Variants in NRSN1 observed in about 807,000 individuals in gnomAD.
NRSN1 encodes neurensin 1.
In NRSN1, 14 loss-of-function variants were observed where a neutral mutation model predicts 17.3. The observed-to-expected ratio is 0.81, with a 90% CI of 0.54 to 1.27. The LOEUF is 1.27. Among genes scored for constraint, NRSN1 ranks in the 50% most tolerant of loss-of-function variants. The pLI, the probability that NRSN1 is intolerant of heterozygous loss-of-function variation, is 0.00. For synonymous variants in NRSN1, 79 were observed against 94.2 expected (o/e 0.84, Z 0.93); for missense variants, 209 against 235.9 (o/e 0.89, Z 0.75).
intron 3 of NRSN1, among the ~76,000 whole-genome samples, chr6:24,137,282 T>G (rs947383306): frequency 2.0e-5 from 3 of 152,228 alleles, no homozygotes; most frequent in African/African-American, 7.2e-5. Context: ...CTTTATTGCA[T>G]GCATCTGCAT....
At chr6:24,135,558 C>A (rs1760106043) in intron 3 of NRSN1, among the ~76,000 whole-genome samples, 1 of 152,170 alleles carries the variant, frequency 6.6e-6, no homozygotes, top group African/African-American at 2.4e-5. Context: ...ACATGGGAAG[C>A]TACTGGAAGA....
intron 3 of NRSN1, among the ~76,000 whole-genome samples, chr6:24,143,913 CAA>C (rs1482597955): frequency 6.6e-6 from 1 of 152,176 alleles, no homozygotes; most frequent in East Asian, 1.9e-4. Flanking sequence ...AAATTAATGA[CAA>C]GAGCTTTTAA....
chr6:24,127,389 C>T (rs144713498), intron 1 of NRSN1, among the ~76,000 whole-genome samples: 3 of 152,294 alleles, frequency 2.0e-5, no homozygotes, highest in African/African-American at 4.8e-5. Flanking sequence ...TCTTCAGGTT[C>T]TCCTGCAAAC....
In NRSN1 at chr6:24,145,834, C is replaced by G. The variant is rs1346053281; in HGVS notation, c.476C>G (p.Ala159Gly). The change falls in exon 4 of 4, where the codon GCA (alanine) becomes GGA (glycine). Residue 159 changes from alanine (A) to glycine (G), a missense_variant. By Grantham distance (60) the Ala-to-Gly change is moderately conservative. Transcript: ENST00000378491. The surrounding 1 kb of genome is among the most constrained non-coding windows in gnomAD (Gnocchi z 4.4). ...CAGCAGAAGTTTAAAGAACGAATCG[C>G]AGACATCAAAGCCCACACCCAGCCG... is the stretch of plus-strand genomic sequence containing the variant. ...FLQQKFKERI[A>G]DIKAHTQPVT... 6.2e-7 allele frequency: 1 copy of G among 1,614,066 alleles called. No individual in the cohort carries two copies. Among genetic ancestry groups the G allele is most frequent in the Admixed American group, 1.7e-5 (1 of 60,008 alleles).
chr6:24,143,174 C>A (rs1338084220), intron 3 of NRSN1, among the ~76,000 whole-genome samples: 1 of 152,060 alleles, frequency 6.6e-6, no homozygotes, highest in East Asian at 1.9e-4. Context: ...TCTCCAAGTC[C>A]CCACCCGACC....
rs897982451 is a variant in NRSN1, at chr6:24,146,583, G to C, written c.*637G>C. On this transcript the variant is annotated 3_prime_UTR_variant, in exon 4 of 4. Coordinates refer to ENST00000378491, the MANE Select transcript of NRSN1 (RefSeq NM_080723.5). ...TGGAGTACAGCGGTGAAATCATAGC[G>C]CACTGCAGCCTTGAACTCCTGGGCT... 2 of 256,148 alleles carry C rather than the reference G, an allele frequency of 7.8e-6. No homozygotes were observed. The highest frequency in any genetic ancestry group is 4.6e-5 in the African/African-American group (2 of 43,386). 15.9% of individuals were successfully genotyped at this position (256,148 alleles called of 1,614,324 possible).
intron 3 of NRSN1, among the ~76,000 whole-genome samples, chr6:24,139,722 G>A (rs540687272): frequency 2.0e-5 from 3 of 152,294 alleles, no homozygotes; most frequent in East Asian, 3.9e-4. Context: ...CCAATTAAAC[G>A]CTAAAGAGAA....
intron 3 of NRSN1, among the ~76,000 whole-genome samples, chr6:24,140,623 T>A (rs1339384070): frequency 6.6e-6 from 1 of 152,202 alleles, no homozygotes; most frequent in Non-Finnish European, 1.5e-5. Flanking sequence ...CTAACCCAGA[T>A]GGCGCCTTGC....
chr6:24,127,974 TG>T (rs1266419268), intron 1 of NRSN1, among the ~76,000 whole-genome samples, 153 bp from the exon 2 acceptor site: 5 of 152,364 alleles, frequency 3.3e-5, no homozygotes, highest in African/African-American at 9.6e-5. Flanking sequence ...TTTAGACTTT[TG>T]TTTTTTAGAA....
In NRSN1 at chr6:24,145,518, T is replaced by C. The variant is rs1760288559; in HGVS notation, c.190-30T>C. ...GCGAGCCGAAGCACCTTCCTCACTC[T>C]ATCTTGCTTCTGTCATTATCTACCT... On this transcript the variant is annotated intron_variant, in intron 3 of 3. Coordinates refer to ENST00000378491, the MANE Select transcript of NRSN1 (RefSeq NM_080723.5). The surrounding 1 kb of genome is among the most constrained non-coding windows in gnomAD (Gnocchi z 4.4). 6.5e-7 allele frequency: 1 copy of C among 1,530,510 alleles called. No individual in the cohort carries two copies. Among genetic ancestry groups the C allele is most frequent in the Admixed American group, 2.0e-5 (1 of 50,894 alleles). The allele number at this position is 1,530,510 out of a possible 1,614,324, so 94.8% of individuals were successfully genotyped here. A position where few individuals can be genotyped will look rare whatever the true frequency, so the allele number is the denominator to read the frequency against.
At chr6:24,131,897 T>C (rs1233422058) in intron 2 of NRSN1, among the ~76,000 whole-genome samples, 2 of 152,234 alleles carry the variant, frequency 1.3e-5, no homozygotes, top group Non-Finnish European at 2.9e-5. Context: ...TGACTTTTTA[T>C]GAAATCATAT....
intron 1 of NRSN1, among the ~76,000 whole-genome samples, chr6:24,127,004 G>T (rs563300133): frequency 6.6e-6 from 1 of 152,176 alleles, no homozygotes; most frequent in East Asian, 1.9e-4. Flanking sequence ...GCCAGCCTTT[G>T]GTGAAGGGCA....
chr6:24,127,372 C>T (rs915058877), intron 1 of NRSN1, among the ~76,000 whole-genome samples: 3 of 152,220 alleles, frequency 2.0e-5, no homozygotes, highest in African/African-American at 7.2e-5. Context: ...GGCTTACTCA[C>T]CTCAAGTCTT....
rs1334209758 is a variant in NRSN1 at position 24,145,223 on chromosome 6, TTA to T, written c.190-317_190-316del. ...AATATATCTTTAGATAATATAAAGA[TTA>T]TATATATCTTTAGATAATATAAAGA... On this transcript the variant is annotated intron_variant, in intron 3 of 3. Coordinates refer to ENST00000378491, the MANE Select transcript of NRSN1 (RefSeq NM_080723.5). The surrounding 1 kb of genome is among the most constrained non-coding windows in gnomAD (Gnocchi z 4.4). 6.9e-6 allele frequency among the ~76,000 whole-genome samples: 1 copy of T among 144,308 alleles called. No individual in the cohort carries two copies. The highest frequency in any genetic ancestry group is 2.1e-4 in the South Asian group (1 of 4,786). 94.7% of individuals were successfully genotyped at this position (144,308 alleles called of 152,430 possible).
intron 3 of NRSN1, among the ~76,000 whole-genome samples, chr6:24,138,129 A>C (rs1378860891): frequency 6.6e-6 from 1 of 152,136 alleles, no homozygotes; most frequent in Non-Finnish European, 1.5e-5. Context: ...CAAGATAATG[A>C]ATCTAGGCTT....
intron 3 of NRSN1, among the ~76,000 whole-genome samples, chr6:24,140,539 C>A (rs1162631760): frequency 6.6e-6 from 1 of 152,246 alleles, no homozygotes. Flanking sequence ...CAGGAGAGGT[C>A]AGCACAGCCC....
chr6:24,135,677 A>G (rs756718391), intron 3 of NRSN1, among the ~76,000 whole-genome samples: 2 of 152,236 alleles, frequency 1.3e-5, no homozygotes, highest in African/African-American at 2.4e-5. Flanking sequence ...CCTATTAGAC[A>G]TCGGAGTAGT....
At chr6:24,142,191 C>CT (rs751168423) in intron 3 of NRSN1, among the ~76,000 whole-genome samples, 667 of 44,398 alleles carry the variant, frequency 0.015, 74 homozygotes, top group African/African-American at 0.036. Flanking sequence ...TACAGAACAG[C>CT]TTTTTTTTTT....
rs1006989893 is a variant in NRSN1 at position 24,146,182 on chromosome 6, C to T, written c.*236C>T. On this transcript the variant is annotated 3_prime_UTR_variant, in exon 4 of 4. Coordinates refer to ENST00000378491, the MANE Select transcript of NRSN1 (RefSeq NM_080723.5). ...CTTAAGATGGGTGCTTCCTTGTACC[C>T]GGCCACCAGAAAACCCCTGGAACTC... is the stretch of plus-strand genomic sequence containing the variant. The T allele has an allele frequency of 3.0e-5, 21 of 698,800 alleles. No individual in the cohort carries two copies. Among genetic ancestry groups the T allele is most frequent in the African/African-American group, 2.5e-4 (14 of 56,940 alleles). The allele number at this position is 698,800 out of a possible 1,614,324, so 43.3% of individuals were successfully genotyped here. A position where few individuals can be genotyped will look rare whatever the true frequency, so the allele number is the denominator to read the frequency against.
Sources: gnomAD v4.1 joint callset for allele counts (sites outside exome capture counted in the v4.1 genomes callset) on GRCh38, gnomAD v4.1.1 for gene constraint, Gnocchi (gnomAD v3.1) non-coding constraint, MANE v1.5 for transcripts, NCBI Gene and HGNC (gene_info 2026-07-23, HGNC 2026-07-21) for gene names.